PXDNL: variants seen among roughly 807,000 people sequenced by gnomAD.
PXDNL encodes probable oxidoreductase PXDNL.
In PXDNL, 145 loss-of-function variants were observed where a neutral mutation model predicts 150.8. That is an observed-to-expected ratio of 0.96 (90% CI 0.84 to 1.10). PXDNL has a LOEUF of 1.10. Ranked by LOEUF, PXDNL falls within the 50% of genes least tolerant of loss-of-function variation. The pLI, the probability that PXDNL is intolerant of heterozygous loss-of-function variation, is 0.00. For missense variants in PXDNL, 2,087 were observed against 1,873.9 expected (o/e 1.11, Z -2.10); for synonymous variants, 757 against 725.7 (o/e 1.04, Z -0.69).
rs3040925 is a variant in PXDNL, at chr8:51,335,682, TACACACACAC to T, written c.4146+3932_4146+3941del. Among the ~76,000 whole-genome samples, 1,024 of 137,578 alleles carry T rather than the reference TACACACACAC, an allele frequency of 7.4e-3. 11 individuals carry two copies. Among genetic ancestry groups the T allele is most frequent in the African/African-American group, 0.025 (945 of 37,184 alleles). The allele number at this position is 137,578 out of a possible 152,430, so 90.3% of individuals were successfully genotyped here. ...TCATCTCATTGTTCATTATATACCC[TACACACACAC>T]ACACACACACACACACACACACACA... On this transcript the variant is annotated intron_variant, in intron 21 of 22. Transcript: ENST00000356297.
intron 4 of PXDNL, among the ~76,000 whole-genome samples, chr8:51,535,385 C>T (rs1336284888): frequency 2.0e-5 from 2 of 97,894 alleles, no homozygotes; most frequent in Non-Finnish European, 3.8e-5. Context: ...AAAAATTCTT[C>T]TGCCTTGGGA....
At chr8:51,432,184 T>C (rs541049256) in intron 12 of PXDNL, among the ~76,000 whole-genome samples, 1 of 152,218 alleles carries the variant, frequency 6.6e-6, no homozygotes. Flanking sequence ...TAATTTCACC[T>C]TCTCCCTGTG....
At chr8:51,644,383 C>CACATATGTATATATAT (rs1814863960) in intron 2 of PXDNL, among the ~76,000 whole-genome samples, 1 of 25,842 alleles carries the variant, frequency 3.9e-5, no homozygotes, top group African/African-American at 1.2e-4. Context: ...TATATACACA[C>CACATATGTATATATAT]ACATATGTGT....
At chr8:51,419,113 C>G (rs1457184245) in intron 14 of PXDNL, among the ~76,000 whole-genome samples, 2 of 152,126 alleles carry the variant, frequency 1.3e-5, no homozygotes, top group Non-Finnish European at 2.9e-5. Flanking sequence ...CAGTTTTTAA[C>G]ATGAGGAATT....
chr8:51,735,543 T>G lies in PXDNL; in HGVS notation c.164+73638A>C, dbSNP rs1370638368. On this transcript the variant is annotated intron_variant, in intron 1 of 22. Coordinates refer to ENST00000356297, the MANE Select transcript of PXDNL (RefSeq NM_144651.5). ...TAAAAATTGTTTTTTTTTTTTTTTT[T>G]TTTTTTTTTTTTTTTTTTTTTGAGA... Among the ~76,000 whole-genome samples, 160 of 108,484 alleles carry G rather than the reference T, an allele frequency of 1.5e-3. 7 individuals carry two copies. Among genetic ancestry groups the G allele is most frequent in the East Asian group, 7.2e-3 (31 of 4,330 alleles). The allele number at this position is 108,484 out of a possible 152,430, so 71.2% of individuals were successfully genotyped here.
At chr8:51,571,221 T>C (rs1812934218) in intron 3 of PXDNL, among the ~76,000 whole-genome samples, 2 of 151,842 alleles carry the variant, frequency 1.3e-5, no homozygotes, top group African/African-American at 4.8e-5. Flanking sequence ...TTATGTTTGT[T>C]CTACAACAAT....
At chr8:51,398,192 C>T (rs1276255000) in intron 17 of PXDNL, among the ~76,000 whole-genome samples, 1 of 152,210 alleles carries the variant, frequency 6.6e-6, no homozygotes, top group African/African-American at 2.4e-5. Context: ...TGACAGTGGC[C>T]TCAGTTTCCC....
chr8:51,346,612 T>C (rs945399151), intron 19 of PXDNL, among the ~76,000 whole-genome samples: 1 of 151,904 alleles, frequency 6.6e-6, no homozygotes, highest in Admixed American at 6.6e-5. Context: ...TGGTGGGAGG[T>C]ATCTGGATGT....
chr8:51,467,783 G>T (rs1284846067), intron 8 of PXDNL, among the ~76,000 whole-genome samples: 1 of 151,840 alleles, frequency 6.6e-6, no homozygotes, highest in Non-Finnish European at 1.5e-5. Flanking sequence ...TCTCCCCAAG[G>T]TAAAACCTTA....
intron 4 of PXDNL, among the ~76,000 whole-genome samples, chr8:51,539,893 TTTG>T (rs1331662059): frequency 6.6e-6 from 1 of 152,090 alleles, no homozygotes; most frequent in Non-Finnish European, 1.5e-5. Context: ...TCAGCTATAA[TTTG>T]TTCTATTGAC....
At chr8:51,638,997 C>T (rs972195142) in intron 2 of PXDNL, among the ~76,000 whole-genome samples, 5 of 152,168 alleles carry the variant, frequency 3.3e-5, no homozygotes, top group African/African-American at 1.2e-4. Context: ...TTACAACAAA[C>T]TGTCTCTCAG....
chr8:51,387,519 T>C (rs1807755810), intron 17 of PXDNL, among the ~76,000 whole-genome samples: 1 of 152,164 alleles, frequency 6.6e-6, no homozygotes, highest in Non-Finnish European at 1.5e-5. Context: ...ACAGATGCAG[T>C]AGGGGAGACT....
At chr8:51,718,486 G>A (rs1816661306) in intron 1 of PXDNL, among the ~76,000 whole-genome samples, 1 of 152,222 alleles carries the variant, frequency 6.6e-6, no homozygotes, top group South Asian at 2.1e-4. Context: ...TCTCAAAAAA[G>A]ATAGCAGGCT....
chr8:51,385,359 G>A (rs931074012), intron 17 of PXDNL, among the ~76,000 whole-genome samples: 2 of 151,776 alleles, frequency 1.3e-5, no homozygotes, highest in Non-Finnish European at 2.9e-5. Context: ...TTTCCACTGT[G>A]TAGGACAATG....
chr8:51,710,977 T>C (rs1468605999), intron 1 of PXDNL, among the ~76,000 whole-genome samples: 1 of 151,992 alleles, frequency 6.6e-6, no homozygotes, highest in African/African-American at 2.4e-5. Flanking sequence ...ATGCCCACTC[T>C]CACCATATGT....
At chr8:51,387,432 G>A (rs1042409954) in intron 17 of PXDNL, among the ~76,000 whole-genome samples, 1 of 152,174 alleles carries the variant, frequency 6.6e-6, no homozygotes, top group Non-Finnish European at 1.5e-5. Flanking sequence ...TGTCATGAGA[G>A]CCATGTCTAG....
At chr8:51,645,741 G>T (rs996571360) in intron 2 of PXDNL, among the ~76,000 whole-genome samples, 4 of 152,142 alleles carry the variant, frequency 2.6e-5, no homozygotes, top group African/African-American at 9.7e-5. Flanking sequence ...GAGCAAATTT[G>T]GTAAAATATA....
intron 4 of PXDNL, among the ~76,000 whole-genome samples, chr8:51,533,442 T>C (rs907503650): frequency 2.6e-5 from 4 of 151,332 alleles, no homozygotes; most frequent in Non-Finnish European, 5.9e-5. Flanking sequence ...TGAGCCACTG[T>C]GCCCAGCCTC....
rs2037708556 is a variant in PXDNL at position 51,809,170 on chromosome 8, T to C, written c.164+11A>G. On this transcript the variant is annotated intron_variant, in intron 1 of 22. Coordinates refer to ENST00000356297, the MANE Select transcript of PXDNL (RefSeq NM_144651.5). ...GGGAAGAGGGTTTCTGGGGAATTTA[T>C]GTGAACTTACAGAACTGTGGTCTGC... 3.1e-6 allele frequency: 5 copies of C among 1,613,524 alleles called. No homozygotes were observed. In the African/African-American group the frequency reaches 4.0e-5, roughly 13 times the overall value.
Sources: allele counts gnomAD v4.1 joint callset (sites outside exome capture counted in the v4.1 genomes callset), GRCh38; gene constraint gnomAD v4.1.1; transcripts MANE v1.5; gene names NCBI Gene and HGNC (gene_info 2026-07-23, HGNC 2026-07-21).